SSBP2: variants seen among roughly 807,000 people sequenced by gnomAD.
SSBP2 encodes single stranded DNA binding protein 2.
Under a neutral mutation model 61.8 loss-of-function variants are expected in SSBP2, and 17 were observed. That is an observed-to-expected ratio of 0.28 (90% CI 0.19 to 0.41). The LOEUF (loss-of-function observed/expected upper bound fraction) is 0.41, where lower values mean the gene tolerates loss of function less well. Ranked by LOEUF, SSBP2 falls within the 10% of genes least tolerant of loss-of-function variation. The pLI is 1.00. For missense variants in SSBP2, 310 were observed against 458.7 expected, an observed-to-expected ratio of 0.68 and a Z score of 2.96; for synonymous variants, 139 against 141.3, an observed-to-expected ratio of 0.98 and a Z score of 0.12.
rs1337041138 is a variant in SSBP2, at chr5:81,420,499, A to G, written c.*5T>C. ...GTGGTTTTCATGAGGAGACTTGGTA[A>G]TGGATCACACGCTCATTGTCATGCT... On this transcript the variant is annotated 3_prime_UTR_variant, in exon 17 of 17. Transcript: ENST00000320672. 1.2e-6 allele frequency: 2 copies of G among 1,613,696 alleles called. No individual in the cohort carries two copies. Among genetic ancestry groups the G allele is most frequent in the Non-Finnish European group, 1.7e-6 (2 of 1,179,654 alleles).
intron 4 of SSBP2, among the ~76,000 whole-genome samples, chr5:81,567,730 G>C (rs1773536015): frequency 6.6e-6 from 1 of 152,156 alleles, no homozygotes; most frequent in Non-Finnish European, 1.5e-5. Context: ...AAACCACAGG[G>C]GCAGAGCTGC....
chr5:81,439,508 CTT>C (rs71000833), intron 14 of SSBP2, among the ~76,000 whole-genome samples: 1 of 143,308 alleles, frequency 7.0e-6, no homozygotes. Context: ...TTTTCTTTTT[CTT>C]TTTTTTTTTT....
intron 4 of SSBP2, among the ~76,000 whole-genome samples, chr5:81,549,114 A>G (rs2154127071): frequency 1.3e-5 from 2 of 152,186 alleles, no homozygotes; most frequent in East Asian, 3.8e-4. Context: ...TTCAAGTCTT[A>G]AAAATGTTAA....
At chr5:81,672,533 C>T (rs1019996061) in intron 1 of SSBP2, among the ~76,000 whole-genome samples, 3 of 151,372 alleles carry the variant, frequency 2.0e-5, no homozygotes, top group East Asian at 1.9e-4. Flanking sequence ...AGATTAAACA[C>T]GACATATGCT....
chr5:81,728,304 C>A (rs1230964695), intron 1 of SSBP2, among the ~76,000 whole-genome samples: 1 of 152,166 alleles, frequency 6.6e-6, no homozygotes, highest in Non-Finnish European at 1.5e-5. Flanking sequence ...GGCGACAATA[C>A]AGTGCAATGA....
intron 1 of SSBP2, among the ~76,000 whole-genome samples, chr5:81,662,240 TCAATCA>T (rs1440640303): frequency 6.6e-6 from 1 of 152,034 alleles, no homozygotes; most frequent in Non-Finnish European, 1.5e-5. Flanking sequence ...CCAAGGTGGG[TCAATCA>T]CCTGAGGTCA....
chr5:81,443,418 GTC>G (rs1424298789), intron 12 of SSBP2: 1 of 152,052 alleles, frequency 6.6e-6, no homozygotes, highest in Non-Finnish European at 1.5e-5. Flanking sequence ...TTCTAATTAA[GTC>G]TCTGAGCATA....
intron 1 of SSBP2, among the ~76,000 whole-genome samples, chr5:81,721,726 C>T (rs1755553985): frequency 6.6e-6 from 1 of 152,122 alleles, no homozygotes; most frequent in Non-Finnish European, 1.5e-5. Context: ...AACAACAGAA[C>T]TCTCTAACAG....
At chr5:81,547,308 T>C (rs1561527080) in intron 4 of SSBP2, among the ~76,000 whole-genome samples, 3 of 152,150 alleles carry the variant, frequency 2.0e-5, no homozygotes, top group South Asian at 2.1e-4. Context: ...AATCTGCACA[T>C]AGATATTTGT....
upstream of SSBP2, chr5:81,751,349 CT>C: frequency 3.9e-6 from 2 of 514,852 alleles, no homozygotes; most frequent in Admixed American, 3.5e-5. Flanking sequence ...CTCCTTCCCC[CT>C]CCCCCCTCCG....
chr5:81,662,800 C>G (rs1244921566), intron 1 of SSBP2, among the ~76,000 whole-genome samples: 1 of 151,972 alleles, frequency 6.6e-6, no homozygotes, highest in Non-Finnish European at 1.5e-5. Context: ...GACTCAATCT[C>G]AAAAACAGAA....
intron 1 of SSBP2, among the ~76,000 whole-genome samples, chr5:81,710,372 CAAAG>C (rs764669460): frequency 1.4e-4 from 21 of 152,100 alleles, no homozygotes; most frequent in South Asian, 2.1e-4. Context: ...AAATGAATCC[CAAAG>C]AAAGAATCTT....
intron 1 of SSBP2, among the ~76,000 whole-genome samples, chr5:81,667,058 A>G (rs1370779291): frequency 1.3e-5 from 2 of 151,932 alleles, no homozygotes; most frequent in Non-Finnish European, 2.9e-5. Flanking sequence ...GTTTTTAGAC[A>G]CGGGACAAAA....
chr5:81,627,157 G>A (rs933015521), intron 3 of SSBP2, among the ~76,000 whole-genome samples: 9 of 151,994 alleles, frequency 5.9e-5, no homozygotes, highest in South Asian at 2.1e-4. Flanking sequence ...TTTTTCTTTT[G>A]AGTCCTTTAC....
rs1743845197 is a variant in SSBP2 at position 81,597,175 on chromosome 5, C to A, written c.282+18298G>T. ...AAACAAATTTACATGAAAAAACAAA[C>A]AACCCCATCAAAAAGTGGGTGAAGG... On this transcript the variant is annotated intron_variant, in intron 4 of 16. Transcript: ENST00000320672. Among the ~76,000 whole-genome samples, 4 of 152,276 alleles carry A rather than the reference C, an allele frequency of 2.6e-5. 1 individual carries two copies. The South Asian group carries it at 8.3e-4, about 32-fold the overall frequency.
intron 10 of SSBP2, among the ~76,000 whole-genome samples, chr5:81,460,420 A>G (rs1206275775): frequency 6.6e-6 from 1 of 152,220 alleles, no homozygotes; most frequent in Non-Finnish European, 1.5e-5. Context: ...TTAAAATCAT[A>G]TTAAGATCGA....
chr5:81,459,004 C>T (rs977446405), intron 10 of SSBP2, among the ~76,000 whole-genome samples: 1 of 152,166 alleles, frequency 6.6e-6, no homozygotes, highest in Non-Finnish European at 1.5e-5. Context: ...GATGTTTGCA[C>T]ATTTGGTATA....
chr5:81,573,639 G>A (rs963703404), intron 4 of SSBP2, among the ~76,000 whole-genome samples: 2 of 152,018 alleles, frequency 1.3e-5, no homozygotes, highest in African/African-American at 4.8e-5. Context: ...TGCCTGCCAG[G>A]GCAAATACAA....
At position 81,420,033 on chromosome 5, in the gene SSBP2, A is replaced by G. The variant is rs927896445; in HGVS notation, c.*471T>C. ...TTCACCTTAAAAAATAACTTATATA[A>G]AGCAGTGATATACACAGCACAAAAT... On this transcript the variant is annotated 3_prime_UTR_variant, in exon 17 of 17. Transcript: ENST00000320672. 4 of 153,198 alleles carry G rather than the reference A, an allele frequency of 2.6e-5. No individual in the cohort carries two copies. The highest frequency in any genetic ancestry group is 4.4e-5 in the Non-Finnish European group (3 of 68,496). The allele number at this position is 153,198 out of a possible 1,614,324, so 9.5% of individuals were successfully genotyped here. A position where few individuals can be genotyped will look rare whatever the true frequency, so the allele number is the denominator to read the frequency against.
Sources: allele counts gnomAD v4.1 joint callset (sites outside exome capture counted in the v4.1 genomes callset), GRCh38; gene constraint gnomAD v4.1.1; transcripts MANE v1.5; gene names NCBI Gene and HGNC (gene_info 2026-07-23, HGNC 2026-07-21).